POC1B: variants seen among roughly 807,000 people sequenced by gnomAD.
The protein encoded by POC1B is POC1 centriolar protein B.
In POC1B, 44 loss-of-function variants were observed where a neutral mutation model predicts 60.6. That is an observed-to-expected ratio of 0.73 (90% CI 0.57 to 0.93). POC1B has a LOEUF of 0.93. Ranked by LOEUF, POC1B falls within the 40% of genes least tolerant of loss-of-function variation. POC1B has a pLI of 0.00. For synonymous variants in POC1B, 180 were observed against 198.9 expected (o/e 0.90, Z 0.80); for missense variants, 555 against 572.3 (o/e 0.97, Z 0.31).
At chr12:89,422,056 A>T (rs944798369) in intron 11 of POC1B, among the ~76,000 whole-genome samples, 1 of 151,976 alleles carries the variant, frequency 6.6e-6, no homozygotes, top group Non-Finnish European at 1.5e-5. Flanking sequence ...TTTTTAAAAA[A>T]ACTTATTATA....
intron 4 of POC1B, among the ~76,000 whole-genome samples, chr12:89,483,269 T>G (rs1041310856): frequency 3.9e-5 from 6 of 152,178 alleles, no homozygotes; most frequent in Non-Finnish European, 7.4e-5. Flanking sequence ...TTTTCCCCCT[T>G]TTGCTCAGCA....
intron 2 of POC1B, among the ~76,000 whole-genome samples, chr12:89,508,501 AG>A (rs1447860800): frequency 1.3e-5 from 2 of 152,226 alleles, no homozygotes; most frequent in Admixed American, 1.3e-4. Flanking sequence ...GCATCATATT[AG>A]GGTGCACATG....
chr12:89,496,605 T>C (rs1869258891), intron 3 of POC1B, among the ~76,000 whole-genome samples: 1 of 152,212 alleles, frequency 6.6e-6, no homozygotes, highest in Non-Finnish European at 1.5e-5. Flanking sequence ...TTACTTAAAA[T>C]AGATGGGCTA....
chr12:89,408,529 A>G, the POC1B span, among the ~76,000 whole-genome samples: 1 of 141,356 alleles, frequency 7.1e-6, no homozygotes, highest in Non-Finnish European at 1.5e-5. Context: ...TCTGTCACCC[A>G]GGCTGGAGTG....
the POC1B span, among the ~76,000 whole-genome samples, chr12:89,403,923 T>C: frequency 0.23 from 35,152 of 151,968 alleles, 4,380 homozygotes; most frequent in East Asian, 0.43. Context: ...ACCTGAGGTC[T>C]GCAGTTCGAG....
At chr12:89,503,760 C>T (rs1277266903) in intron 2 of POC1B, among the ~76,000 whole-genome samples, 3 of 120,846 alleles carry the variant, frequency 2.5e-5, no homozygotes, top group Admixed American at 8.0e-5. Flanking sequence ...CCCCTCCGCC[C>T]GGCAGCCGCC....
intron 2 of POC1B, among the ~76,000 whole-genome samples, chr12:89,516,027 CA>C (rs1189110034): frequency 6.6e-6 from 1 of 152,178 alleles, no homozygotes; most frequent in Non-Finnish European, 1.5e-5. Context: ...AACCCCCAAA[CA>C]GATTGGAAAC....
At chr12:89,476,755 T>TAGATAGAC (rs71082494) in intron 4 of POC1B, among the ~76,000 whole-genome samples, 2 of 68,020 alleles carry the variant, frequency 2.9e-5, no homozygotes, top group Non-Finnish European at 6.8e-5. Context: ...GATAGATAGA[T>TAGATAGAC]AGATAGACAG....
intron 10 of POC1B, among the ~76,000 whole-genome samples, chr12:89,440,214 T>A (rs1881454209): frequency 6.6e-6 from 1 of 152,200 alleles, no homozygotes; most frequent in African/African-American, 2.4e-5. Context: ...ATCCAGCTCA[T>A]CTTTGGTTAG....
intron 10 of POC1B, among the ~76,000 whole-genome samples, chr12:89,443,987 G>C (rs568150619): frequency 6.6e-6 from 1 of 152,200 alleles, no homozygotes; most frequent in South Asian, 2.1e-4. Flanking sequence ...TCTATGCAAA[G>C]AAACTAGAAA....
At chr12:89,409,238 G>A in the POC1B span, among the ~76,000 whole-genome samples, 36 of 152,146 alleles carry the variant, frequency 2.4e-4, no homozygotes, top group Admixed American at 1.8e-3. Flanking sequence ...TTTCTTCTAC[G>A]GTTTTTAATG....
intron 10 of POC1B, among the ~76,000 whole-genome samples, chr12:89,438,079 T>A (rs1464075077): frequency 6.6e-6 from 1 of 150,962 alleles, no homozygotes; most frequent in Admixed American, 6.6e-5. Context: ...AAAAAATCTA[T>A]TATAGCTTAC....
At chr12:89,504,616 A>G (rs943159904) in intron 2 of POC1B, among the ~76,000 whole-genome samples, 2 of 152,124 alleles carry the variant, frequency 1.3e-5, no homozygotes, top group African/African-American at 4.8e-5. Flanking sequence ...AAAAAAAAGA[A>G]AGAAAAAAGA....
Position 89,504,261 on chromosome 12 carries a change from G to T in POC1B, c.101-6919C>A, listed in dbSNP as rs1177080571. 3.3e-5 allele frequency among the ~76,000 whole-genome samples: 5 copies of T among 152,266 alleles called. No homozygotes were observed. In the South Asian group the frequency reaches 8.3e-4, roughly 25 times the overall value. ...GAGACTCCATTTTGTTCTGTACTAAGAAAGATTCTTCTGCTTTGGGATGCT... is the reference window on the plus strand; with the variant it reads ...GAGACTCCATTTTGTTCTGTACTAATAAAGATTCTTCTGCTTTGGGATGCT... On this transcript the variant is annotated intron_variant, in intron 2 of 11. Transcript: ENST00000313546.
chr12:89,442,552 G>A (rs1227965535), intron 10 of POC1B, among the ~76,000 whole-genome samples: 1 of 152,198 alleles, frequency 6.6e-6, no homozygotes, highest in African/African-American at 2.4e-5. Flanking sequence ...GACAAGCAAT[G>A]CTGAGGGATT....
At chr12:89,446,611 G>T (rs1271758300) in intron 10 of POC1B, among the ~76,000 whole-genome samples, 1 of 152,114 alleles carries the variant, frequency 6.6e-6, no homozygotes, top group Admixed American at 6.6e-5. Context: ...GTGGGATGGG[G>T]AAGTGGGGAG....
In POC1B at chr12:89,442,956, G is replaced by C. The variant is rs1444891554; in HGVS notation, c.1113+16682C>G. Among the ~76,000 whole-genome samples the C allele has an allele frequency of 2.6e-5, 4 of 152,122 alleles. No individual in the cohort carries two copies. In the East Asian group the frequency reaches 7.7e-4, roughly 29 times the overall value. On this transcript the variant is annotated intron_variant, in intron 10 of 11. Transcript: ENST00000313546. ...AAAAAAAGCAGGGGTTGCAACCTTA[G>C]TCTCTGATAAAACAGACTTTAAACC...
the POC1B span, among the ~76,000 whole-genome samples, chr12:89,411,833 G>A: frequency 6.6e-6 from 1 of 152,132 alleles, no homozygotes; most frequent in Non-Finnish European, 1.5e-5. Flanking sequence ...TGACACAGTT[G>A]TTATTAGTGT....
At chr12:89,470,970 A>G (rs1345539796) in intron 6 of POC1B, among the ~76,000 whole-genome samples, 2 of 152,212 alleles carry the variant, frequency 1.3e-5, no homozygotes, top group African/African-American at 4.8e-5. Context: ...ATCAAAAGTT[A>G]ATTTTTCTAT....
Sources: gnomAD v4.1 joint callset for allele counts (sites outside exome capture counted in the v4.1 genomes callset) on GRCh38, gnomAD v4.1.1 for gene constraint, MANE v1.5 for transcripts, NCBI Gene and HGNC (gene_info 2026-07-23, HGNC 2026-07-21) for gene names.